ST6GALNAC5: variants seen among roughly 807,000 people sequenced by gnomAD.
ST6GALNAC5 encodes the protein ST6 N-acetylgalactosaminide alpha-2,6-sialyltransferase 5, also known as alpha-N-acetylgalactosaminide alpha-2,6-sialyltransferase 5.
ST6GALNAC5 carries 27 observed loss-of-function variants against 33.6 expected under a neutral mutation model. The ratio of observed to expected loss-of-function variants is 0.80; its 90% CI spans 0.59 to 1.11. The LOEUF is 1.11. ST6GALNAC5 is among the 50% of genes least tolerant of loss of function. The probability of loss-of-function intolerance (pLI) is 0.00; values close to 1 mark genes in which losing one functional copy is unlikely to be tolerated. For synonymous variants in ST6GALNAC5, 194 were observed against 171.2 expected (o/e 1.13, Z -1.04); for missense variants, 428 against 454.0 (o/e 0.94, Z 0.52).
At chr1:77,035,160 C>T (rs895121915) in intron 2 of ST6GALNAC5, among the ~76,000 whole-genome samples, 1 of 152,136 alleles carries the variant, frequency 6.6e-6, no homozygotes. Flanking sequence ...AGTTCCTAGA[C>T]TTTGTTGTTG....
intron 2 of ST6GALNAC5, among the ~76,000 whole-genome samples, chr1:76,990,202 C>T (rs1649670766): frequency 6.6e-6 from 1 of 152,124 alleles, no homozygotes; most frequent in Non-Finnish European, 1.5e-5. Context: ...CCACTCCATC[C>T]CCAATCTCCA....
rs971897897 is a variant in ST6GALNAC5 at position 76,868,039 on chromosome 1, A to G, written c.15+349A>G. 6.6e-6 allele frequency among the ~76,000 whole-genome samples: 1 copy of G among 152,086 alleles called. No individual in the cohort carries two copies. The highest frequency in any genetic ancestry group is 1.5e-5 in the Non-Finnish European group (1 of 68,002). Reference sequence around the variant, plus strand: ...CTGCCAAAAACTAAGAGGGACGGGGAGGGGGGACCTTTGCAGACTTTCTTC... The same window carrying G: ...CTGCCAAAAACTAAGAGGGACGGGGGGGGGGGACCTTTGCAGACTTTCTTC... On this transcript the variant is annotated intron_variant, in intron 1 of 4. Transcript: ENST00000477717. The surrounding 1 kb of genome is among the most constrained non-coding windows in gnomAD (Gnocchi z 4.3).
intron 2 of ST6GALNAC5, among the ~76,000 whole-genome samples, chr1:77,003,446 A>G (rs1458220001): frequency 6.7e-6 from 1 of 150,080 alleles, no homozygotes; most frequent in Non-Finnish European, 1.5e-5. Context: ...TCTTTATCCA[A>G]TTTGCCAGTC....
intron 2 of ST6GALNAC5, among the ~76,000 whole-genome samples, chr1:76,963,449 G>C (rs1406252621): frequency 6.6e-6 from 1 of 152,196 alleles, no homozygotes; most frequent in Non-Finnish European, 1.5e-5. Context: ...CTTTGACCTT[G>C]AAAAGAGGAG....
At position 77,007,927 on chromosome 1, in the gene ST6GALNAC5, A is replaced by G. The variant is rs114848439; in HGVS notation, c.262-36277A>G. On this transcript the variant is annotated intron_variant, in intron 2 of 4. Coordinates refer to ENST00000477717, the MANE Select transcript of ST6GALNAC5 (RefSeq NM_030965.3). ...GAGGGCTACTGATCTTTACAGCTCA[A>G]AGGGCACTGAAGAGTCACATCCAGC... is the stretch of plus-strand genomic sequence containing the variant. Among the ~76,000 whole-genome samples the G allele has an allele frequency of 6.4e-3, 969 of 152,350 alleles. 5 individuals carry two copies. The highest frequency in any genetic ancestry group is 0.011 in the Non-Finnish European group (775 of 68,030).
At chr1:77,041,361 T>C (rs1023944720) in intron 2 of ST6GALNAC5, among the ~76,000 whole-genome samples, 1 of 152,202 alleles carries the variant, frequency 6.6e-6, no homozygotes, top group African/African-American at 2.4e-5. Flanking sequence ...CTGTATGCTC[T>C]TTTATTGTGT....
rs574050633 is a variant in ST6GALNAC5, at chr1:76,868,899, T to C, written c.261+157T>C. ...TGGGGTAGGGTGGGCTAGTTCCAACTTGGTATGAATTCTTATTTGGAGAAA... is the reference window on the plus strand; with the variant it reads ...TGGGGTAGGGTGGGCTAGTTCCAACCTGGTATGAATTCTTATTTGGAGAAA... On this transcript the variant is annotated intron_variant, in intron 2 of 4. Coordinates refer to ENST00000477717, the MANE Select transcript of ST6GALNAC5 (RefSeq NM_030965.3). The surrounding 1 kb of genome is among the most constrained non-coding windows in gnomAD (Gnocchi z 4.3). 1,954 of 1,178,314 alleles carry C rather than the reference T, an allele frequency of 1.7e-3. 7 individuals carry two copies. The highest frequency in any genetic ancestry group is 2.0e-3 in the Non-Finnish European group (1,736 of 882,526). 73.0% of individuals were successfully genotyped at this position (1,178,314 alleles called of 1,614,324 possible).
rs190893829 is a variant in ST6GALNAC5, at chr1:76,980,539, G to A, written c.262-63665G>A. 2.0e-5 allele frequency among the ~76,000 whole-genome samples: 3 copies of A among 152,204 alleles called. No individual in the cohort carries two copies. In the East Asian group the frequency reaches 5.8e-4, roughly 29 times the overall value. ...TTAGCACTATATATTTTGCTACTTA[G>A]TACTTCTACACCTTGACTAATTTTT... On this transcript the variant is annotated intron_variant, in intron 2 of 4. Coordinates refer to ENST00000477717, the MANE Select transcript of ST6GALNAC5 (RefSeq NM_030965.3).
intron 2 of ST6GALNAC5, among the ~76,000 whole-genome samples, chr1:76,944,540 G>A (rs553692525): frequency 1.2e-4 from 18 of 152,110 alleles, no homozygotes; most frequent in African/African-American, 4.1e-4. Flanking sequence ...TTAGGGCCGG[G>A]ATTTTTGTTT....
At chr1:77,040,569 GAA>G (rs11315289) in intron 2 of ST6GALNAC5, among the ~76,000 whole-genome samples, 1 of 152,030 alleles carries the variant, frequency 6.6e-6, no homozygotes, top group Admixed American at 6.5e-5. Flanking sequence ...TGGGCAAAGA[GAA>G]AAGAGAGAGC....
intron 3 of ST6GALNAC5, among the ~76,000 whole-genome samples, chr1:77,048,634 C>T (rs972406825): frequency 4.6e-5 from 7 of 152,100 alleles, no homozygotes; most frequent in Admixed American, 4.6e-4. Context: ...GATGGCAGTC[C>T]CTACACAGCC....
chr1:77,045,119 T>A (rs1404975302), intron 3 of ST6GALNAC5, among the ~76,000 whole-genome samples: 3 of 152,096 alleles, frequency 2.0e-5, no homozygotes, highest in South Asian at 2.1e-4. Flanking sequence ...GCACTGAGGG[T>A]CTTGAGAGGG....
At chr1:77,003,364 T>C (rs1179840064) in intron 2 of ST6GALNAC5, among the ~76,000 whole-genome samples, 2 of 147,326 alleles carry the variant, frequency 1.4e-5, no homozygotes, top group South Asian at 2.3e-4. Flanking sequence ...CTCCATCCTT[T>C]TATTTTGAGC....
intron 2 of ST6GALNAC5, among the ~76,000 whole-genome samples, chr1:77,035,335 T>C (rs1412038159): frequency 6.6e-6 from 1 of 152,188 alleles, no homozygotes; most frequent in Non-Finnish European, 1.5e-5. Context: ...CATATAAAAA[T>C]ATGTCCCAGC....
intron 2 of ST6GALNAC5, among the ~76,000 whole-genome samples, chr1:77,008,711 G>A (rs561230239): frequency 6.6e-6 from 1 of 152,156 alleles, no homozygotes; most frequent in South Asian, 2.1e-4. Context: ...TGTATTTTGA[G>A]TAGAGACTGG....
chr1:77,023,512 G>T (rs1237823087), intron 2 of ST6GALNAC5, among the ~76,000 whole-genome samples: 2 of 152,100 alleles, frequency 1.3e-5, no homozygotes, highest in Admixed American at 6.5e-5. Context: ...CTGGAGGTTT[G>T]TGCTGACAAA....
intron 2 of ST6GALNAC5, among the ~76,000 whole-genome samples, chr1:76,981,643 C>G (rs1210525462): frequency 1.1e-5 from 1 of 94,678 alleles, no homozygotes; most frequent in African/African-American, 4.2e-5. Context: ...GTTGTTCTCC[C>G]AGCATTGCAT....
At chr1:77,042,352 C>T (rs1247008270) in intron 2 of ST6GALNAC5, among the ~76,000 whole-genome samples, 3 of 152,142 alleles carry the variant, frequency 2.0e-5, no homozygotes, top group Non-Finnish European at 2.9e-5. Flanking sequence ...CTGTATTGTC[C>T]TCCTTTACTG....
At chr1:76,875,662 T>G (rs1210962880) in intron 2 of ST6GALNAC5, among the ~76,000 whole-genome samples, 3 of 152,064 alleles carry the variant, frequency 2.0e-5, no homozygotes, top group Non-Finnish European at 4.4e-5. Flanking sequence ...AAGCAAAACT[T>G]TTGCTAGTGG....
Sources: allele counts gnomAD v4.1 joint callset (sites outside exome capture counted in the v4.1 genomes callset), GRCh38; gene constraint gnomAD v4.1.1; non-coding constraint Gnocchi (gnomAD v3.1); transcripts MANE v1.5; gene names NCBI Gene and HGNC (gene_info 2026-07-23, HGNC 2026-07-21).